The following NRG3 variants were observed in gnomAD, a reference collection of about 807,000 sequenced individuals.
NRG3 encodes the protein neuregulin 3, also known as pro-neuregulin-3, membrane-bound isoform.
A neutral mutation model predicts 66.9 loss-of-function variants in NRG3; 31 were observed. The observed-to-expected ratio is 0.46, with a 90% CI of 0.35 to 0.63. The LOEUF is 0.63. NRG3 is among the 20% of genes least tolerant of loss of function. NRG3 has a pLI of 0.00. For missense variants in NRG3, 910 were observed against 878.9 expected (o/e 1.04, Z -0.45); for synonymous variants, 393 against 359.4 (o/e 1.09, Z -1.06).
chr10:82,255,260 C>T (rs149548846), intron 1 of NRG3, among the ~76,000 whole-genome samples: 26 of 152,224 alleles, frequency 1.7e-4, no homozygotes, highest in South Asian at 6.2e-4. Context: ...CCATCAAGGT[C>T]ATCACAGACA....
chr10:82,901,348 A>G (rs765293399), intron 4 of NRG3, among the ~76,000 whole-genome samples: 8 of 152,248 alleles, frequency 5.3e-5, no homozygotes, highest in South Asian at 2.1e-4. Context: ...GTGTGTGTGT[A>G]TGTATGGCTT....
chr10:81,955,182 T>TTA (rs145918672), intron 1 of NRG3, among the ~76,000 whole-genome samples: 32 of 147,754 alleles, frequency 2.2e-4, no homozygotes, highest in Middle Eastern at 7.1e-3. Flanking sequence ...ACTATATATA[T>TTA]TATATATATA....
intron 3 of NRG3, among the ~76,000 whole-genome samples, chr10:82,779,114 G>C (rs1034665706): frequency 2.2e-4 from 34 of 152,124 alleles, no homozygotes; most frequent in African/African-American, 8.2e-4. Context: ...TAGCAGCACG[G>C]ACCACAGGGG....
At chr10:82,536,537 A>T (rs1847831008) in intron 2 of NRG3, among the ~76,000 whole-genome samples, 1 of 152,020 alleles carries the variant, frequency 6.6e-6, no homozygotes, top group Non-Finnish European at 1.5e-5. Context: ...AGGTTATGGT[A>T]ATTTTTTTTG....
chr10:82,780,604 CT>C (rs1335308324), intron 3 of NRG3, among the ~76,000 whole-genome samples: 3 of 149,998 alleles, frequency 2.0e-5, no homozygotes, highest in Non-Finnish European at 4.4e-5. Flanking sequence ...CTAGTTCAGT[CT>C]TTTATTTCAA....
chr10:82,038,713 T>C (rs7069727), intron 1 of NRG3, among the ~76,000 whole-genome samples: 73,952 of 151,922 alleles, frequency 0.49, 18,242 homozygotes, highest in South Asian at 0.62. Flanking sequence ...GCCTCATTCA[T>C]TCATCTGTTT....
chr10:82,897,403 A>G (rs1336029972), intron 4 of NRG3, among the ~76,000 whole-genome samples: 1 of 152,224 alleles, frequency 6.6e-6, no homozygotes, highest in Non-Finnish European at 1.5e-5. Flanking sequence ...AGTAACATGC[A>G]AAAGATCCAT....
intron 2 of NRG3, among the ~76,000 whole-genome samples, chr10:82,682,030 A>G (rs2054141173): frequency 6.6e-6 from 1 of 152,216 alleles, no homozygotes; most frequent in Non-Finnish European, 1.5e-5. Context: ...GGGGTTTTAA[A>G]GGCACTGATA....
chr10:82,222,039 T>C (rs2075967459), intron 1 of NRG3, among the ~76,000 whole-genome samples: 1 of 151,942 alleles, frequency 6.6e-6, no homozygotes, highest in Non-Finnish European at 1.5e-5. Flanking sequence ...CTTGTAAGTG[T>C]TACCTTTTTC....
chr10:82,381,370 G>A (rs1365117121), intron 2 of NRG3, among the ~76,000 whole-genome samples: 1 of 152,034 alleles, frequency 6.6e-6, no homozygotes, highest in Non-Finnish European at 1.5e-5. Context: ...TTGTATTCTG[G>A]ACACTATTCT....
intron 1 of NRG3, among the ~76,000 whole-genome samples, chr10:82,100,552 T>C (rs1737968251): frequency 6.6e-6 from 1 of 152,122 alleles, no homozygotes; most frequent in Non-Finnish European, 1.5e-5. Flanking sequence ...ATGATCAGGT[T>C]AAGGAAGTTC....
At chr10:82,091,734 A>G (rs1370593577) in intron 1 of NRG3, among the ~76,000 whole-genome samples, 1 of 152,190 alleles carries the variant, frequency 6.6e-6, no homozygotes, top group Non-Finnish European at 1.5e-5. Context: ...AGGAACTACC[A>G]TGCTGTTTCC....
At chr10:82,466,870 G>T (rs1001882941) in intron 2 of NRG3, among the ~76,000 whole-genome samples, 1 of 147,118 alleles carries the variant, frequency 6.8e-6, no homozygotes, top group East Asian at 2.0e-4. Context: ...AGGGGAAGGG[G>T]TATTATGCTG....
chr10:82,285,138 C>T (rs563626285), intron 1 of NRG3, among the ~76,000 whole-genome samples: 23 of 152,112 alleles, frequency 1.5e-4, no homozygotes, highest in Non-Finnish European at 2.6e-4. Flanking sequence ...TGTTTAGCCC[C>T]GAGCAAAAAA....
At chr10:82,408,132 A>AAAGAAAGAAAGG (rs2087754403) in intron 2 of NRG3, among the ~76,000 whole-genome samples, 1 of 113,564 alleles carries the variant, frequency 8.8e-6, no homozygotes, top group Admixed American at 9.9e-5. Context: ...AGAAAGAAAG[A>AAAGAAAGAAAGG]AAGAAAGAAA....
chr10:82,546,476 A>G (rs751766637), intron 2 of NRG3, among the ~76,000 whole-genome samples: 2 of 152,120 alleles, frequency 1.3e-5, no homozygotes, highest in Non-Finnish European at 2.9e-5. Context: ...TTCTCCAACC[A>G]TTGCCTTCTT....
intron 3 of NRG3, among the ~76,000 whole-genome samples, chr10:82,849,223 C>T (rs1303423565): frequency 6.6e-6 from 1 of 152,168 alleles, no homozygotes; most frequent in African/African-American, 2.4e-5. Context: ...AATGCTTCTA[C>T]AAGCCAAGAA....
At chr10:82,281,288 T>C (rs2079109242) in intron 1 of NRG3, among the ~76,000 whole-genome samples, 1 of 152,166 alleles carries the variant, frequency 6.6e-6, no homozygotes, top group Non-Finnish European at 1.5e-5. Flanking sequence ...GTAAGAAAGA[T>C]AGCATGATTG....
At chr10:82,717,639 G>A (rs1159899273) in intron 2 of NRG3, among the ~76,000 whole-genome samples, 2 of 151,934 alleles carry the variant, frequency 1.3e-5, no homozygotes, top group South Asian at 2.1e-4. Context: ...TCCTGACCTC[G>A]TGATCCGCCT....
Sources: gnomAD v4.1 joint callset for allele counts (sites outside exome capture counted in the v4.1 genomes callset) on GRCh38, gnomAD v4.1.1 for gene constraint, MANE v1.5 for transcripts, NCBI Gene and HGNC (gene_info 2026-07-23, HGNC 2026-07-21) for gene names.